IGSF10: variants seen among roughly 807,000 people sequenced by gnomAD.
IGSF10 encodes the protein calvaria mechanical force protein 608.
In IGSF10, 126 loss-of-function variants were observed where a neutral mutation model predicts 128.2. The observed-to-expected ratio is 0.98, with a 90% CI of 0.85 to 1.14. The LOEUF (loss-of-function observed/expected upper bound fraction) is 1.14, where lower values mean the gene tolerates loss of function less well. IGSF10 is among the 50% of genes most tolerant of loss of function. IGSF10 has a pLI of 0.00. For missense variants in IGSF10, 3,295 were observed against 3,149.8 expected (o/e 1.05, Z -1.10); for synonymous variants, 1,185 against 1,146.2 (o/e 1.03, Z -0.68).
rs766925218 is a variant in IGSF10 at position 151,443,109 on chromosome 3, T to C, written c.5838A>G (p.Ala1946=). The change falls in exon 7 of 8, where the codon GCA becomes GCG. Residue 1946 remains alanine (A), a synonymous_variant. Coordinates refer to ENST00000282466, the MANE Select transcript of IGSF10 (RefSeq NM_178822.5). ...AATTCACTTCAGTCCTTTTCTGGGATGCAGCTTCTATCCTGGGGCTGGTCA... is the reference window on the plus strand; with the variant it reads ...AATTCACTTCAGTCCTTTTCTGGGACGCAGCTTCTATCCTGGGGCTGGTCA... ...ERVTSPRIEA[A]SQKRTEVNFG... 1 of 1,614,250 alleles carries C rather than the reference T, an allele frequency of 6.2e-7. No homozygotes were observed. Among genetic ancestry groups the C allele is most frequent in the South Asian group, 1.1e-5 (1 of 91,088 alleles).
chr3:151,617,124 TTTCTTCTTCTCCTC>T, the IGSF10 span, among the ~76,000 whole-genome samples: 3 of 152,110 alleles, frequency 2.0e-5, no homozygotes, highest in Admixed American at 6.5e-5. Flanking sequence ...TTGATACTAC[TTTCTTCTTCTCCTC>T]TTCTTCTTCT....
chr3:151,532,235 C>T, the IGSF10 span, among the ~76,000 whole-genome samples: 2 of 134,922 alleles, frequency 1.5e-5, no homozygotes, highest in African/African-American at 2.6e-5. Flanking sequence ...GATTCACAGC[C>T]GAATTCTACC....
At chr3:151,549,195 C>A in the IGSF10 span, among the ~76,000 whole-genome samples, 1 of 152,166 alleles carries the variant, frequency 6.6e-6, no homozygotes, top group South Asian at 2.1e-4. Flanking sequence ...GTGGCTTTAC[C>A]GCTTGATATT....
At chr3:151,552,296 T>G in the IGSF10 span, among the ~76,000 whole-genome samples, 16 of 152,058 alleles carry the variant, frequency 1.1e-4, no homozygotes, top group Non-Finnish European at 5.9e-5. Flanking sequence ...TCATAAATTA[T>G]CCAGTCTCAG....
chr3:151,558,157 G>C, the IGSF10 span, among the ~76,000 whole-genome samples: 1 of 149,340 alleles, frequency 6.7e-6, no homozygotes, highest in South Asian at 2.1e-4. Context: ...TTTTAGGAGT[G>C]TAACACTGAA....
chr3:151,544,108 C>T, the IGSF10 span, among the ~76,000 whole-genome samples: 2 of 152,164 alleles, frequency 1.3e-5, no homozygotes, highest in African/African-American at 2.4e-5. Context: ...GGGGTTTCCC[C>T]ATATTGCCCA....
At chr3:151,505,584 A>T in the IGSF10 span, among the ~76,000 whole-genome samples, 1 of 152,148 alleles carries the variant, frequency 6.6e-6, no homozygotes, top group Admixed American at 6.5e-5. Flanking sequence ...ATATATGTAT[A>T]GGTATTAGGC....
chr3:151,580,574 TTTG>T, the IGSF10 span, among the ~76,000 whole-genome samples: 4 of 152,316 alleles, frequency 2.6e-5, no homozygotes, highest in Non-Finnish European at 5.9e-5. Context: ...CCTGTCAAAG[TTTG>T]TTGTGACTCA....
At chr3:151,493,810 A>G in the IGSF10 span, among the ~76,000 whole-genome samples, 2 of 151,542 alleles carry the variant, frequency 1.3e-5, no homozygotes. Flanking sequence ...TACAAAATAA[A>G]AGGTACCAAT....
At chr3:151,435,962 T>G (rs1239059381), downstream of IGSF10, 1 of 152,192 alleles carries the variant, frequency 6.6e-6, no homozygotes, top group Non-Finnish European at 1.5e-5. Context: ...GTGCCTGAGC[T>G]AGATTTTAAA....
At position 151,449,096 on chromosome 3, in the gene IGSF10, A is replaced by G. The variant is rs1407378079; in HGVS notation, c.885T>C (p.Ile295=). 6.2e-7 allele frequency: 1 copy of G among 1,614,206 alleles called. No individual in the cohort carries two copies. The highest frequency in any genetic ancestry group is 1.1e-5 in the South Asian group (1 of 91,078). ...TGAAAGCAGAACTACTGTCTTCCAGAATAGTCAGGCTCTTTGATTTCAGGG... is the reference window on the plus strand; with the variant it reads ...TGAAAGCAGAACTACTGTCTTCCAGGATAGTCAGGCTCTTTGATTTCAGGG... ...DSSLKSKSLT[I]LEDSSSAFIS... The change falls in exon 6 of 8, where the codon ATT becomes ATC. Residue 295 remains isoleucine, a synonymous_variant. Coordinates refer to ENST00000282466, the MANE Select transcript of IGSF10 (RefSeq NM_178822.5).
chr3:151,525,874 C>A, the IGSF10 span, among the ~76,000 whole-genome samples: 4 of 152,176 alleles, frequency 2.6e-5, no homozygotes, highest in African/African-American at 7.2e-5. Context: ...AAAATCCCTT[C>A]ACTTTTTTTT....
chr3:151,586,449 T>G, the IGSF10 span, among the ~76,000 whole-genome samples: 3 of 152,092 alleles, frequency 2.0e-5, no homozygotes, highest in Admixed American at 2.0e-4. Flanking sequence ...CCAAGAAATA[T>G]CAATGCTTAT....
At chr3:151,478,737 T>TA in the IGSF10 span, among the ~76,000 whole-genome samples, 1 of 152,038 alleles carries the variant, frequency 6.6e-6, no homozygotes, top group East Asian at 1.9e-4. Context: ...AGAAGAAGGA[T>TA]AAACACTAAA....
At chr3:151,550,894 T>C in the IGSF10 span, among the ~76,000 whole-genome samples, 1 of 152,184 alleles carries the variant, frequency 6.6e-6, no homozygotes, top group African/African-American at 2.4e-5. Context: ...TGCGATTGTA[T>C]GCTTGCCCGA....
At position 151,458,692 on chromosome 3, in the gene IGSF10, T is replaced by C. The variant is rs1560183585; in HGVS notation, c.18A>G (p.Arg6=). 3.1e-6 allele frequency: 5 copies of C among 1,613,502 alleles called. No homozygotes were observed. Among genetic ancestry groups the C allele is most frequent in the Non-Finnish European group, 4.2e-6 (5 of 1,179,758 alleles). Residue 6 remains arginine (R), a synonymous_variant, in exon 3 of 8, where the codon AGA becomes AGG. Coordinates refer to ENST00000282466, the MANE Select transcript of IGSF10 (RefSeq NM_178822.5). MKVKG[R]GITCLLVSFA... ...AGGAGACCAGCAAGCAGGTGATTCC[T>C]CTGCCTTTTACCTTCATCCTGAAAA...
intron 2 of IGSF10, among the ~76,000 whole-genome samples, chr3:151,459,234 C>A (rs1721942652): frequency 6.6e-6 from 1 of 152,128 alleles, no homozygotes; most frequent in South Asian, 2.1e-4. Context: ...CAGCCTTTTT[C>A]ATCTATTGTG....
the IGSF10 span, among the ~76,000 whole-genome samples, chr3:151,482,275 A>G: frequency 6.6e-6 from 1 of 152,212 alleles, no homozygotes; most frequent in African/African-American, 2.4e-5. Context: ...GCAAGATGCA[A>G]GAGAATACAA....
chr3:151,589,811 C>T, the IGSF10 span, among the ~76,000 whole-genome samples: 1 of 152,102 alleles, frequency 6.6e-6, no homozygotes, highest in Non-Finnish European at 1.5e-5. Flanking sequence ...TAGACTTTAT[C>T]CTAGTCATTC....
Sources: gnomAD v4.1 joint callset for allele counts (sites outside exome capture counted in the v4.1 genomes callset) on GRCh38, gnomAD v4.1.1 for gene constraint, MANE v1.5 for transcripts, NCBI Gene and HGNC (gene_info 2026-07-23, HGNC 2026-07-21) for gene names.